CAST: variants seen among roughly 807,000 people sequenced by gnomAD.
CAST encodes the protein MIR583 host.
A neutral mutation model predicts 119.6 loss-of-function variants in CAST; 76 were observed. That is an observed-to-expected ratio of 0.64 (90% CI 0.53 to 0.77). The LOEUF (loss-of-function observed/expected upper bound fraction) is 0.77, where lower values mean the gene tolerates loss of function less well. Ranked by LOEUF, CAST falls within the 30% of genes least tolerant of loss-of-function variation. CAST has a pLI of 0.00. For missense variants in CAST, 953 were observed against 946.5 expected, an observed-to-expected ratio of 1.01 and a Z score of -0.09; for synonymous variants, 319 against 331.6, an observed-to-expected ratio of 0.96 and a Z score of 0.41.
At chr5:96,199,602 C>T in the CAST span, among the ~76,000 whole-genome samples, 1 of 151,826 alleles carries the variant, frequency 6.6e-6, no homozygotes, top group Admixed American at 6.6e-5. Flanking sequence ...AAATTTAAGG[C>T]CACATATTAC....
At chr5:96,547,180 G>A (rs1228899367) in intron 1 of CAST, among the ~76,000 whole-genome samples, 1 of 152,126 alleles carries the variant, frequency 6.6e-6, no homozygotes, top group Admixed American at 6.5e-5. Flanking sequence ...CAATAGGATT[G>A]ATTATGGAAA....
At chr5:96,049,889 CAAAAAAAAAAAAAA>C in the CAST span, among the ~76,000 whole-genome samples, 6 of 34,188 alleles carry the variant, frequency 1.8e-4, no homozygotes, top group African/African-American at 5.1e-4. Context: ...GAACAGGAGG[CAAAAAAAAAAAAAA>C]AAAAAAAAAA....
At chr5:96,422,017 A>G in the CAST span, 1 of 844,106 alleles carries the variant, frequency 1.2e-6, no homozygotes, top group Non-Finnish European at 1.9e-6. Flanking sequence ...AAAAAAAAAA[A>G]AAGCATCACT....
At chr5:96,770,668 C>A in intron 30 of CAST, 66 bp downstream of exon 30, 2 of 1,088,394 alleles carry the variant, frequency 1.8e-6, no homozygotes, top group South Asian at 2.5e-5. Flanking sequence ...TTTATCATTT[C>A]AGTCATTTAG....
intron 2 of CAST, among the ~76,000 whole-genome samples, chr5:96,692,849 G>C (rs1300628161): frequency 6.6e-6 from 1 of 152,212 alleles, no homozygotes; most frequent in African/African-American, 2.4e-5. Context: ...ACGAGGGCAG[G>C]AGCTTTTTCT....
At chr5:96,178,574 G>C in the CAST span, among the ~76,000 whole-genome samples, 4 of 152,196 alleles carry the variant, frequency 2.6e-5, no homozygotes, top group African/African-American at 9.7e-5. Context: ...TCTAGAAGGG[G>C]TGATGGGCTC....
At chr5:96,575,671 C>T (rs1340027839) in intron 1 of CAST, among the ~76,000 whole-genome samples, 1 of 150,672 alleles carries the variant, frequency 6.6e-6, no homozygotes, top group Non-Finnish European at 1.5e-5. Context: ...AAGACGGAGT[C>T]TCACTCTGTC....
At chr5:96,274,704 G>A in the CAST span, among the ~76,000 whole-genome samples, 1 of 152,240 alleles carries the variant, frequency 6.6e-6, no homozygotes, top group Admixed American at 6.5e-5. Context: ...TCTCTTTGTC[G>A]CTAGCCTATG....
chr5:96,719,781 G>A lies in CAST; in HGVS notation c.211-2858G>A, dbSNP rs527681262. On this transcript the variant is annotated intron_variant, in intron 3 of 31. Coordinates refer to ENST00000675179, the MANE Select transcript of CAST (RefSeq NM_001750.7). ...CAGCCAAGTGGCAGGCACTGCAGTA[G>A]AGGGACCTGGGTTAGAAGTCAGATG... Among the ~76,000 whole-genome samples, 196 of 152,316 alleles carry A rather than the reference G, an allele frequency of 1.3e-3. 1 individual carries two copies. The highest frequency in any genetic ancestry group is 4.6e-3 in the African/African-American group (192 of 41,568).
At chr5:96,760,403 A>G (rs1400181933) in intron 24 of CAST, among the ~76,000 whole-genome samples, 3 of 151,970 alleles carry the variant, frequency 2.0e-5, no homozygotes, top group African/African-American at 7.2e-5. Context: ...TTTAAAAAGT[A>G]GGCAATCCCC....
At chr5:96,659,375 T>C (rs1403287030), upstream of CAST, among the ~76,000 whole-genome samples, 2 of 152,244 alleles carry the variant, frequency 1.3e-5, no homozygotes, top group Non-Finnish European at 2.9e-5. Context: ...TATGCCTGTA[T>C]TTACTTGTCT....
At chr5:96,034,413 A>T in the CAST span, among the ~76,000 whole-genome samples, 2 of 150,404 alleles carry the variant, frequency 1.3e-5, no homozygotes, top group Non-Finnish European at 3.0e-5. Context: ...CTCAAATTAA[A>T]CATAGAACTA....
At chr5:96,199,158 G>A in the CAST span, among the ~76,000 whole-genome samples, 1 of 152,168 alleles carries the variant, frequency 6.6e-6, no homozygotes, top group Admixed American at 6.6e-5. Flanking sequence ...GTGTGTAGGA[G>A]AGATTCTCTT....
chr5:96,647,238 C>G (rs909178646), intron 1 of CAST, among the ~76,000 whole-genome samples: 1 of 152,108 alleles, frequency 6.6e-6, no homozygotes, highest in Admixed American at 6.5e-5. Context: ...TTCGGTATAT[C>G]GTTTTTGTTA....
At chr5:96,527,097 A>G (rs1745608019), upstream of CAST, among the ~76,000 whole-genome samples, 1 of 152,226 alleles carries the variant, frequency 6.6e-6, no homozygotes, top group Non-Finnish European at 1.5e-5. Flanking sequence ...TTTACATAGG[A>G]TAAAGTAAGC....
the CAST span, among the ~76,000 whole-genome samples, chr5:96,125,919 A>G: frequency 6.6e-6 from 1 of 152,124 alleles, no homozygotes; most frequent in Non-Finnish European, 1.5e-5. Context: ...ATTGCTTACT[A>G]GGAGAAAACA....
chr5:95,985,361 T>C, the CAST span, among the ~76,000 whole-genome samples: 665 of 152,324 alleles, frequency 4.4e-3, 9 homozygotes, highest in African/African-American at 0.015. Context: ...ATGTGGCTTA[T>C]GTTTGTGACT....
intron 1 of CAST, among the ~76,000 whole-genome samples, chr5:96,602,902 T>G (rs12109924): frequency 0.083 from 12,632 of 152,050 alleles, 602 homozygotes; most frequent in African/African-American, 0.14. Flanking sequence ...CTAGAATAAG[T>G]CATTCCAGGA....
chr5:95,993,944 T>A, the CAST span, among the ~76,000 whole-genome samples: 1 of 152,054 alleles, frequency 6.6e-6, no homozygotes, highest in Admixed American at 6.6e-5. Flanking sequence ...AATTTAAATT[T>A]AAATTAATTA....
Sources: gnomAD v4.1 joint callset for allele counts (sites outside exome capture counted in the v4.1 genomes callset) on GRCh38, gnomAD v4.1.1 for gene constraint, MANE v1.5 for transcripts, NCBI Gene and HGNC (gene_info 2026-07-23, HGNC 2026-07-21) for gene names.